The following ATP9B variants were observed in gnomAD, a reference collection of about 807,000 sequenced individuals.
ATP9B encodes probable phospholipid-transporting ATPase IIB.
ATP9B carries 110 observed loss-of-function variants against 146.1 expected under a neutral mutation model. The ratio of observed to expected loss-of-function variants is 0.75; its 90% confidence interval spans 0.65 to 0.88. ATP9B has a LOEUF of 0.88. ATP9B is among the 40% of genes least tolerant of loss of function. The pLI is 0.00. For synonymous variants in ATP9B, 604 were observed against 569.7 expected (o/e 1.06, Z -0.86); for missense variants, 1,499 against 1,496.4 (o/e 1.00, Z -0.03).
chr18:79,086,322 G>C (rs937082682), intron 1 of ATP9B: 2 of 149,448 alleles, frequency 1.3e-5, no homozygotes, highest in Admixed American at 6.8e-5. Context: ...TGTAATCCCA[G>C]CTACTCAGGA....
intron 1 of ATP9B, among the ~76,000 whole-genome samples, chr18:79,092,834 C>A (rs1206524244): frequency 6.6e-6 from 1 of 151,850 alleles, no homozygotes; most frequent in African/African-American, 2.4e-5. Context: ...AAGGACCTGT[C>A]TGAGGCTGTT....
At chr18:79,336,105 A>G (rs4799038) in intron 17 of ATP9B, among the ~76,000 whole-genome samples, 1,711 of 51,512 alleles carry the variant, frequency 0.033, 10 homozygotes, top group African/African-American at 0.068. Context: ...TGCACCCACC[A>G]TGCCCTCCCT....
intron 19 of ATP9B, among the ~76,000 whole-genome samples, chr18:79,340,643 GT>G (rs1449968986): frequency 1.3e-5 from 2 of 152,116 alleles, no homozygotes; most frequent in African/African-American, 4.8e-5. Flanking sequence ...ATTACTGGAA[GT>G]TCTTTGCTGT....
chr18:79,192,534 T>G (rs2095377570), intron 8 of ATP9B, among the ~76,000 whole-genome samples: 2 of 152,318 alleles, frequency 1.3e-5, no homozygotes, highest in African/African-American at 4.8e-5. Flanking sequence ...ACTTTCTGAT[T>G]TAACCTTTAT....
At chr18:79,256,286 T>TATATATATATATATATATATATACAC (rs398033647) in intron 12 of ATP9B, among the ~76,000 whole-genome samples, 11 of 123,066 alleles carry the variant, frequency 8.9e-5, no homozygotes, top group African/African-American at 3.6e-4. Context: ...TATATATATA[T>TATATATATATATATATATATATACAC]ACATACATAG....
intron 26 of ATP9B, among the ~76,000 whole-genome samples, chr18:79,366,863 T>C (rs987589578): frequency 4.6e-5 from 7 of 152,230 alleles, no homozygotes; most frequent in Non-Finnish European, 8.8e-5. Context: ...AAGGAACTGC[T>C]GAACAAGAAT....
At chr18:79,350,771 CT>C (rs34086629) in intron 25 of ATP9B, among the ~76,000 whole-genome samples, 52,427 of 140,626 alleles carry the variant, frequency 0.37, 9,283 homozygotes, top group Middle Eastern at 0.52. Flanking sequence ...ACATTAGTTG[CT>C]TTTTTTTTTT....
At chr18:79,327,512 ATGGTTAG>A (rs1568696613) in intron 15 of ATP9B, among the ~76,000 whole-genome samples, 51 of 75,882 alleles carry the variant, frequency 6.7e-4, no homozygotes, top group South Asian at 5.1e-3. Context: ...TGCTCTCTCC[ATGGTTAG>A]CGTGCTCTCC....
intron 1 of ATP9B, among the ~76,000 whole-genome samples, chr18:79,077,095 T>C (rs1171947763): frequency 6.6e-6 from 1 of 152,240 alleles, no homozygotes; most frequent in African/African-American, 2.4e-5. Context: ...ATAATTTCAG[T>C]ATCTGTGTTG....
chr18:79,201,302 CTT>C (rs1199753242), intron 9 of ATP9B, among the ~76,000 whole-genome samples: 4 of 152,108 alleles, frequency 2.6e-5, no homozygotes, highest in African/African-American at 9.7e-5. Context: ...TGATAAATAA[CTT>C]GTTTATAATG....
intron 26 of ATP9B, chr18:79,360,967 T>G (rs1327629219): frequency 6.6e-6 from 1 of 152,242 alleles, no homozygotes; most frequent in East Asian, 1.9e-4. Flanking sequence ...TAGTAGCATA[T>G]GCATTTCCTC....
At chr18:79,244,652 A>G (rs1372523664) in intron 11 of ATP9B, among the ~76,000 whole-genome samples, 1 of 152,170 alleles carries the variant, frequency 6.6e-6, no homozygotes, top group East Asian at 1.9e-4. Context: ...TGAATATTTA[A>G]AAGTATATTT....
chr18:79,198,678 A>G (rs1159352552), intron 9 of ATP9B, among the ~76,000 whole-genome samples: 3 of 152,204 alleles, frequency 2.0e-5, no homozygotes, highest in Non-Finnish European at 4.4e-5. Context: ...TCACACAATG[A>G]TAAGTATCTG....
At chr18:79,179,294 G>A (rs2095220972) in intron 8 of ATP9B, among the ~76,000 whole-genome samples, 2 of 151,708 alleles carry the variant, frequency 1.3e-5, no homozygotes, top group African/African-American at 4.8e-5. Context: ...ATTAATTTCT[G>A]CTCTTTATTT....
intron 11 of ATP9B, among the ~76,000 whole-genome samples, chr18:79,215,034 A>C (rs1429300332): frequency 6.6e-6 from 1 of 151,390 alleles, no homozygotes; most frequent in Non-Finnish European, 1.5e-5. Context: ...TGTAGTCCCC[A>C]CTACTCAGGA....
chr18:79,189,669 A>G lies in ATP9B; in HGVS notation c.874-3514A>G, dbSNP rs1192660497. 2.6e-5 allele frequency among the ~76,000 whole-genome samples: 4 copies of G among 151,404 alleles called. 1 individual carries two copies. Among genetic ancestry groups the G allele is most frequent in the Admixed American group, 2.0e-4 (3 of 15,268 alleles). Reference sequence around the variant, plus strand: ...AGAAAATACACTTATATAGTACAGTACTGTATTTTTTGATAGCACAAGTTG... The same window carrying G: ...AGAAAATACACTTATATAGTACAGTGCTGTATTTTTTGATAGCACAAGTTG... On this transcript the variant is annotated intron_variant, in intron 8 of 29. Coordinates refer to ENST00000426216, the MANE Select transcript of ATP9B (RefSeq NM_198531.5).
chr18:79,345,130 G>T (rs939449210), intron 21 of ATP9B, among the ~76,000 whole-genome samples: 2 of 152,148 alleles, frequency 1.3e-5, no homozygotes, highest in African/African-American at 4.8e-5. Flanking sequence ...CAGGGGAGGG[G>T]GATCAGACCA....
chr18:79,312,387 G>C (rs1406269088), intron 15 of ATP9B, among the ~76,000 whole-genome samples: 1 of 152,236 alleles, frequency 6.6e-6, no homozygotes, highest in African/African-American at 2.4e-5. Flanking sequence ...AGCTTGTATG[G>C]AGCTGCATCC....
rs948491735 is a variant in ATP9B at position 79,212,445 on chromosome 18, A to G, written c.1031-1517A>G. Among the ~76,000 whole-genome samples the G allele has an allele frequency of 3.3e-5, 5 of 152,144 alleles. 1 individual carries two copies. Among genetic ancestry groups the G allele is most frequent in the South Asian group, 4.1e-4 (2 of 4,824 alleles). On this transcript the variant is annotated intron_variant, in intron 10 of 29. Transcript: ENST00000426216. The stretch of plus-strand genomic sequence containing the variant: ...CATCAGTCAACCTGCTTTCAGCTCA[A>G]CGGTTTCTAGCTTGATTAATTCTTG...
Sources: allele counts gnomAD v4.1 joint callset (sites outside exome capture counted in the v4.1 genomes callset), GRCh38; gene constraint gnomAD v4.1.1; transcripts MANE v1.5; gene names NCBI Gene and HGNC (gene_info 2026-07-23, HGNC 2026-07-21).